TMCO4: variants seen among roughly 807,000 people sequenced by gnomAD.
TMCO4 encodes transmembrane and coiled-coil domain-containing protein 4.
In TMCO4, 58 loss-of-function variants were observed where a neutral mutation model predicts 64.7. That is an observed-to-expected ratio of 0.90 (90% CI 0.73 to 1.12). The LOEUF (loss-of-function observed/expected upper bound fraction) is 1.12, where lower values mean the gene tolerates loss of function less well. Ranked by LOEUF, TMCO4 falls within the 50% of genes most tolerant of loss-of-function variation. The probability of loss-of-function intolerance (pLI) is 0.00; values close to 1 mark genes in which losing one functional copy is unlikely to be tolerated. For missense variants in TMCO4, 780 were observed against 825.9 expected, an observed-to-expected ratio of 0.94 and a Z score of 0.68; for synonymous variants, 325 against 346.1, an observed-to-expected ratio of 0.94 and a Z score of 0.68.
intron 9 of TMCO4, 73 bp downstream of exon 9, chr1:19,746,382 AG>A: frequency 6.3e-7 from 1 of 1,582,422 alleles, no homozygotes; most frequent in Non-Finnish European, 8.6e-7. Flanking sequence ...GTGAGGATCC[AG>A]GCATGTCCTT....
intron 6 of TMCO4, among the ~76,000 whole-genome samples, chr1:19,768,344 C>T (rs1249136863): frequency 6.6e-6 from 1 of 152,202 alleles, no homozygotes; most frequent in Non-Finnish European, 1.5e-5. Flanking sequence ...GAGTCTCAGA[C>T]CACCATGCAA....
At chr1:19,775,619 A>G (rs1168338219) in intron 4 of TMCO4, among the ~76,000 whole-genome samples, 1 of 152,256 alleles carries the variant, frequency 6.6e-6, no homozygotes, top group Non-Finnish European at 1.5e-5. Flanking sequence ...ATCACGGGAA[A>G]GGTATGAGTA....
chr1:19,697,304 C>T (rs2095243195), intron 14 of TMCO4, among the ~76,000 whole-genome samples: 1 of 152,246 alleles, frequency 6.6e-6, no homozygotes, highest in Admixed American at 6.5e-5. Flanking sequence ...GTTGCTCAGG[C>T]TGGAGTGCAG....
chr1:19,725,337 T>C (rs1338384898), intron 13 of TMCO4, among the ~76,000 whole-genome samples: 5 of 152,188 alleles, frequency 3.3e-5, no homozygotes, highest in Non-Finnish European at 7.4e-5. Flanking sequence ...TCAAAGCCTT[T>C]TGGATGCAGA....
chr1:19,728,652 G>C (rs2095418167), intron 13 of TMCO4, among the ~76,000 whole-genome samples: 2 of 152,172 alleles, frequency 1.3e-5, no homozygotes, highest in African/African-American at 2.4e-5. Flanking sequence ...CTGTTGATTT[G>C]CTGGGAAACG....
intron 2 of TMCO4, among the ~76,000 whole-genome samples, chr1:19,793,100 T>C (rs929350968): frequency 2.6e-5 from 4 of 151,882 alleles, no homozygotes; most frequent in Non-Finnish European, 5.9e-5. Flanking sequence ...ACTATATGAG[T>C]GTAGGTAAGT....
chr1:19,792,148 G>C lies in TMCO4; in HGVS notation c.-100-5031C>G, dbSNP rs112067115. Among the ~76,000 whole-genome samples, 320 of 152,214 alleles carry C rather than the reference G, an allele frequency of 2.1e-3. 1 individual carries two copies. The highest frequency in any genetic ancestry group is 7.4e-3 in the African/African-American group (308 of 41,506). On this transcript the variant is annotated intron_variant, in intron 2 of 15. Coordinates refer to ENST00000294543, the MANE Select transcript of TMCO4 (RefSeq NM_181719.7). ...TTTTCTTTATAAATTACCCAGTCTC[G>C]GGTACGTCTTCATCAGCAGCATGAA...
At chr1:19,783,321 ACTGTTGGCCACCAACT>A (rs1251435456) in intron 3 of TMCO4, among the ~76,000 whole-genome samples, 1 of 152,200 alleles carries the variant, frequency 6.6e-6, no homozygotes. Flanking sequence ...CAAAGACAGA[ACTGTTGGCCACCAACT>A]CTGTTTTAAA....
rs1318166407 is a variant in TMCO4 at position 19,682,994 on chromosome 1, G to GA, written c.*45_*46insT. The GA allele has an allele frequency of 6.6e-7, 1 of 1,525,710 alleles. No homozygotes were observed. Among genetic ancestry groups the GA allele is most frequent in the African/African-American group, 1.4e-5 (1 of 71,868 alleles). The allele number at this position is 1,525,710 out of a possible 1,614,324, so 94.5% of individuals were successfully genotyped here. A position where few individuals can be genotyped will look rare whatever the true frequency, so the allele number is the denominator to read the frequency against. On this transcript the variant is annotated 3_prime_UTR_variant, in exon 16 of 16. Transcript: ENST00000294543. ...GAGGAACCCGAGGGTATAAGAGAGA[G>GA]CTGCATATGGAGACTGGGGAAGACG... is the stretch of plus-strand genomic sequence containing the variant.
chr1:19,754,941 TA>T (rs1359684705), intron 7 of TMCO4, among the ~76,000 whole-genome samples: 1 of 152,034 alleles, frequency 6.6e-6, no homozygotes, highest in African/African-American at 2.4e-5. Flanking sequence ...CATTGCAGCT[TA>T]AAAAAGCAAG....
intron 10 of TMCO4, among the ~76,000 whole-genome samples, chr1:19,741,730 CT>C: frequency 7.5e-6 from 1 of 133,666 alleles, no homozygotes; most frequent in Admixed American, 7.2e-5. Flanking sequence ...CTTTTCTTTT[CT>C]TTCTTTCTTT....
chr1:19,739,737 T>G, intron 12 of TMCO4, 87 bp downstream of exon 12: 1 of 1,526,458 alleles, frequency 6.6e-7, no homozygotes, highest in Non-Finnish European at 8.8e-7. Flanking sequence ...CAAGTAGCCT[T>G]GCCTCTAAGG....
At chr1:19,779,452 T>C (rs2043357494) in intron 4 of TMCO4, among the ~76,000 whole-genome samples, 1 of 152,204 alleles carries the variant, frequency 6.6e-6, no homozygotes, top group Admixed American at 6.5e-5. Flanking sequence ...TACTCTCCCC[T>C]CTAGAATTTT....
At position 19,683,353 on chromosome 1, in the gene TMCO4, A is replaced by G; in HGVS notation, c.1592T>C (p.Leu531Pro). Residue 531 changes from leucine to proline, a missense_variant, in exon 16 of 16, where the codon CTC becomes CCC. By Grantham distance (98) the Leu-to-Pro change is moderately conservative. Transcript: ENST00000294543. ...RTKPGWDEKG[L>P]LLAPGCLPSE... ...GGGCAGGCAGCCTGGGGCCAGCAAGAGCCCCTTCTCGTCCCAGCCTGGCTT... is the reference window on the plus strand; with the variant it reads ...GGGCAGGCAGCCTGGGGCCAGCAAGGGCCCCTTCTCGTCCCAGCCTGGCTT... 1 of 1,613,998 alleles carries G rather than the reference A, an allele frequency of 6.2e-7. No individual in the cohort carries two copies. The highest frequency in any genetic ancestry group is 8.5e-7 in the Non-Finnish European group (1 of 1,179,994).
chr1:19,702,131 G>A (rs541337623), intron 13 of TMCO4, among the ~76,000 whole-genome samples: 4 of 152,066 alleles, frequency 2.6e-5, no homozygotes, highest in South Asian at 2.1e-4. Context: ...CACCACACCC[G>A]GCTAATCTTT....
At chr1:19,707,442 G>C (rs1036974278) in intron 13 of TMCO4, among the ~76,000 whole-genome samples, 1 of 152,188 alleles carries the variant, frequency 6.6e-6, no homozygotes, top group African/African-American at 2.4e-5. Context: ...GGCCAACATG[G>C]CAAAACCCAG....
At chr1:19,738,947 T>C (rs1227667110) in intron 12 of TMCO4, among the ~76,000 whole-genome samples, 1 of 152,240 alleles carries the variant, frequency 6.6e-6, no homozygotes, top group African/African-American at 2.4e-5. Flanking sequence ...AGTTCTTCCT[T>C]TCTCCTGCTC....
intron 14 of TMCO4, among the ~76,000 whole-genome samples, chr1:19,697,837 T>C (rs1338971450): frequency 6.6e-6 from 1 of 151,366 alleles, no homozygotes; most frequent in Non-Finnish European, 1.5e-5. Context: ...CTTGAACTCC[T>C]TCCTGGGCTC....
At chr1:19,737,279 AT>A in intron 13 of TMCO4, 92 bp downstream of exon 13, 1 of 1,283,906 alleles carries the variant, frequency 7.8e-7, no homozygotes, top group East Asian at 2.4e-5. Flanking sequence ...CTGGGAACAC[AT>A]TTTGCAAGGC....
Sources: allele counts gnomAD v4.1 joint callset (sites outside exome capture counted in the v4.1 genomes callset), GRCh38; gene constraint gnomAD v4.1.1; transcripts MANE v1.5; gene names NCBI Gene and HGNC (gene_info 2026-07-23, HGNC 2026-07-21).